The following EEF2K variants were observed in gnomAD, a reference collection of about 807,000 sequenced individuals.
EEF2K encodes alternative protein EEF2K.
In EEF2K, 70 loss-of-function variants were observed where a neutral mutation model predicts 93.8. The observed-to-expected ratio is 0.75, with a 90% CI of 0.62 to 0.91. The LOEUF is 0.91. Ranked by LOEUF, EEF2K falls within the 40% of genes least tolerant of loss-of-function variation. The pLI is 0.00. For synonymous variants in EEF2K, 376 were observed against 380.8 expected (o/e 0.99, Z 0.15); for missense variants, 935 against 972.9 (o/e 0.96, Z 0.52).
intron 15 of EEF2K, among the ~76,000 whole-genome samples, chr16:22,267,631 G>C (rs935530955): frequency 2.6e-5 from 4 of 151,742 alleles, no homozygotes; most frequent in Non-Finnish European, 5.9e-5. Context: ...ATCTGCTTTC[G>C]ACCTGAAGGC....
intron 3 of EEF2K, among the ~76,000 whole-genome samples, chr16:22,246,953 G>A (rs558622811): frequency 4.2e-5 from 6 of 142,640 alleles, no homozygotes; most frequent in East Asian, 2.1e-4. Flanking sequence ...CAGGAGAATC[G>A]CTTGAACCCA....
chr16:22,223,309 C>T (rs550008438), intron 1 of EEF2K, among the ~76,000 whole-genome samples: 13 of 136,962 alleles, frequency 9.5e-5, no homozygotes, highest in African/African-American at 3.6e-4. Flanking sequence ...GACAAGGTCT[C>T]ACTCTGTCAC....
chr16:22,261,691 A>C (rs1329014662), intron 11 of EEF2K, among the ~76,000 whole-genome samples: 2 of 145,720 alleles, frequency 1.4e-5, no homozygotes, highest in East Asian at 3.9e-4. Flanking sequence ...CTCAGTCTCA[A>C]AAAAAAAAAA....
At chr16:22,218,936 TAAAAAA>T (rs11370005) in intron 1 of EEF2K, among the ~76,000 whole-genome samples, 1 of 111,978 alleles carries the variant, frequency 8.9e-6, no homozygotes. Context: ...ACAAAAAAAT[TAAAAAA>T]AAAAAAAAAA....
intron 2 of EEF2K, among the ~76,000 whole-genome samples, chr16:22,243,641 A>G (rs529487527): frequency 1.3e-5 from 2 of 151,968 alleles, no homozygotes; most frequent in African/African-American, 4.8e-5. Flanking sequence ...GTTTCATCTC[A>G]TTAAAATAAT....
Position 22,266,694 on chromosome 16 carries a change from C to T in EEF2K, c.1582C>T (p.Leu528=), listed in dbSNP as rs544902060. 4.4e-6 allele frequency: 7 copies of T among 1,607,760 alleles called. No individual in the cohort carries two copies. In the South Asian group the frequency reaches 7.8e-5, roughly 18 times the overall value. ...IGKSILGKVH[L]AMVRYHEGGR... is the part of the protein sequence containing the mutation. ...ACCGTAGTCTGTGTGGCAGGTCCAT[C>T]TGGCCATGGTGCGCTACCACGAGGG... The change falls in exon 15 of 18, where the codon CTG becomes TTG. Residue 528 remains leucine (L), a synonymous_variant. Transcript: ENST00000263026.
At chr16:22,222,191 T>G (rs1462172791) in intron 1 of EEF2K, among the ~76,000 whole-genome samples, 19 of 152,036 alleles carry the variant, frequency 1.2e-4, no homozygotes, top group Non-Finnish European at 2.8e-4. Context: ...CAGGTCCTTT[T>G]TCTTTTCTTT....
chr16:22,263,260 C>A, intron 12 of EEF2K, 73 bp downstream of exon 12: 1 of 1,421,488 alleles, frequency 7.0e-7, no homozygotes, highest in South Asian at 1.3e-5. Context: ...TGAAAACTCC[C>A]CTTCCTGGAG....
intron 2 of EEF2K, among the ~76,000 whole-genome samples, chr16:22,231,664 C>A (rs866039834): frequency 9.2e-5 from 14 of 152,026 alleles, no homozygotes; most frequent in African/African-American, 2.4e-4. Context: ...CTTCCTCTTC[C>A]TCAAATACAT....
chr16:22,245,617 G>A (rs1194091870), intron 3 of EEF2K, among the ~76,000 whole-genome samples: 2 of 152,064 alleles, frequency 1.3e-5, no homozygotes, highest in African/African-American at 4.8e-5. Flanking sequence ...CCGGAGGGAG[G>A]TTTCAAACTT....
chr16:22,243,849 G>T (rs1450202263), intron 2 of EEF2K, among the ~76,000 whole-genome samples: 2 of 150,796 alleles, frequency 1.3e-5, no homozygotes, highest in Non-Finnish European at 3.0e-5. Context: ...CTTGAATCCA[G>T]GAGGCAGAGG....
chr16:22,236,834 T>C (rs963692444), intron 2 of EEF2K, among the ~76,000 whole-genome samples: 7 of 151,802 alleles, frequency 4.6e-5, no homozygotes, highest in African/African-American at 7.3e-5. Context: ...TTCACTATTA[T>C]TTATTTTTAT....
intron 1 of EEF2K, among the ~76,000 whole-genome samples, chr16:22,208,689 C>T (rs1295297998): frequency 1.3e-5 from 2 of 151,834 alleles, no homozygotes; most frequent in African/African-American, 2.4e-5. Flanking sequence ...TGCTTGACCC[C>T]AGGAGTTCAA....
intron 2 of EEF2K, among the ~76,000 whole-genome samples, chr16:22,226,252 GTTTA>G (rs946368206): frequency 6.9e-6 from 1 of 144,880 alleles, no homozygotes; most frequent in African/African-American, 2.6e-5. Flanking sequence ...TGTTTTGTTT[GTTTA>G]TTTATTTTAG....
chr16:22,280,822 A>G (rs2047686528), intron 17 of EEF2K, among the ~76,000 whole-genome samples: 1 of 151,302 alleles, frequency 6.6e-6, no homozygotes, highest in Admixed American at 6.6e-5. Context: ...GCCACCATGC[A>G]CAGCTGATTT....
intron 16 of EEF2K, among the ~76,000 whole-genome samples, chr16:22,275,343 ATTTAT>A (rs2047624287): frequency 6.7e-6 from 1 of 150,016 alleles, no homozygotes; most frequent in African/African-American, 2.4e-5. Context: ...ATTATTATTT[ATTTAT>A]TTATTTATTT....
At position 22,273,687 on chromosome 16, in the gene EEF2K, A is replaced by G; in HGVS notation, c.1826A>G (p.Asp609Gly). The change falls in exon 16 of 18, where the codon GAC (aspartate) becomes GGC (glycine). Residue 609 changes from aspartate (D) to glycine (G), a missense_variant. Coordinates refer to ENST00000263026, the MANE Select transcript of EEF2K (RefSeq NM_013302.5). ...DYLLKAAEAG[D>G]RQSMILVARA... is the part of the protein sequence containing the mutation. ...TTACTAAAGGCCGCTGAAGCTGGCG[A>G]CAGGCAGTCCATGATCCTAGTGGCG... 1 of 1,614,190 alleles carries G rather than the reference A, an allele frequency of 6.2e-7. No homozygotes were observed. Among genetic ancestry groups the G allele is most frequent in the East Asian group, 2.2e-5 (1 of 44,888 alleles).
chr16:22,258,858 G>C, intron 10 of EEF2K, 163 bp downstream of exon 10: 1 of 879,126 alleles, frequency 1.1e-6, no homozygotes. Context: ...TTTCAAAACA[G>C]ATCATCCAAA....
At chr16:22,257,538 T>C in intron 8 of EEF2K, 105 bp from the exon 9 acceptor site, 1 of 1,551,054 alleles carries the variant, frequency 6.4e-7, no homozygotes, top group Non-Finnish European at 8.7e-7. Context: ...GCCTCCCAGC[T>C]TGGCACGTTT....
Sources: allele counts gnomAD v4.1 joint callset (sites outside exome capture counted in the v4.1 genomes callset), GRCh38; gene constraint gnomAD v4.1.1; transcripts MANE v1.5; gene names NCBI Gene and HGNC (gene_info 2026-07-23, HGNC 2026-07-21).